Variants in TYW1B observed in about 807,000 individuals in gnomAD.
TYW1B encodes tRNA-yW synthesizing protein 1 homolog B, also known as S-adenosyl-L-methionine-dependent tRNA 4-demethylwyosine synthase TYW1B.
TYW1B carries 73 observed loss-of-function variants against 86.9 expected under a neutral mutation model. The observed-to-expected ratio is 0.84, with a 90% CI of 0.70 to 1.02. The LOEUF is 1.02. Ranked by LOEUF, TYW1B falls within the 50% of genes least tolerant of loss-of-function variation. TYW1B has a pLI of 0.00. For missense variants in TYW1B, 637 were observed against 827.4 expected, an observed-to-expected ratio of 0.77 and a Z score of 2.82; for synonymous variants, 248 against 292.8, an observed-to-expected ratio of 0.85 and a Z score of 1.56.
chr7:72,722,162 T>G (rs1211917221), intron 9 of TYW1B, among the ~76,000 whole-genome samples: 3 of 152,178 alleles, frequency 2.0e-5, no homozygotes, highest in African/African-American at 7.2e-5. Flanking sequence ...TAACAGGTGG[T>G]GTTCTCTTCC....
intron 10 of TYW1B, among the ~76,000 whole-genome samples, chr7:72,712,788 C>G (rs1554455026): frequency 6.6e-6 from 1 of 152,180 alleles, no homozygotes. Flanking sequence ...GAAGCAAGAT[C>G]TTTCCAAGGG....
intron 11 of TYW1B, among the ~76,000 whole-genome samples, chr7:72,660,041 G>A (rs1813293938): frequency 6.6e-6 from 1 of 152,122 alleles, no homozygotes; most frequent in Non-Finnish European, 1.5e-5. Context: ...CACTCTGCCA[G>A]TGTGGCAGGA....
At chr7:72,733,738 GAA>G (rs1358790715) in intron 8 of TYW1B, among the ~76,000 whole-genome samples, 1 of 152,152 alleles carries the variant, frequency 6.6e-6, no homozygotes, top group Non-Finnish European at 1.5e-5. Context: ...CACAAAAATG[GAA>G]AGACATCCCA....
At chr7:72,606,617 C>A (rs1471752939) in intron 13 of TYW1B, among the ~76,000 whole-genome samples, 10 of 151,856 alleles carry the variant, frequency 6.6e-5, no homozygotes, top group African/African-American at 2.4e-4. Flanking sequence ...GCCCCCCCCC[C>A]GCCTCCATCC....
At chr7:72,619,252 A>G (rs56103932) in intron 12 of TYW1B, among the ~76,000 whole-genome samples, 6,166 of 152,254 alleles carry the variant, frequency 0.04, 400 homozygotes, top group African/African-American at 0.14. Context: ...CCCTATGTCA[A>G]TTAGTATTGG....
At chr7:72,749,662 G>C (rs1554464544) in intron 7 of TYW1B, among the ~76,000 whole-genome samples, 1 of 150,396 alleles carries the variant, frequency 6.6e-6, no homozygotes, top group Admixed American at 6.6e-5. Flanking sequence ...TTGTTTTATA[G>C]TGATTTTTTA....
chr7:72,734,973 G>A (rs1197019223), intron 8 of TYW1B, among the ~76,000 whole-genome samples: 5 of 152,142 alleles, frequency 3.3e-5, no homozygotes, highest in Non-Finnish European at 7.4e-5. Flanking sequence ...ACAAGGATGT[G>A]GAGAAAGGGA....
At chr7:72,655,724 G>A (rs1283715911) in intron 11 of TYW1B, among the ~76,000 whole-genome samples, 22 of 152,162 alleles carry the variant, frequency 1.4e-4, no homozygotes, top group Admixed American at 1.3e-4. Context: ...AGCAACCCCT[G>A]GCAGGGCCGC....
chr7:72,699,138 T>C (rs1478703851), intron 10 of TYW1B, among the ~76,000 whole-genome samples: 1 of 152,034 alleles, frequency 6.6e-6, no homozygotes, highest in Non-Finnish European at 1.5e-5. Context: ...GGCAAAATCA[T>C]ACAAAAGACG....
In TYW1B at chr7:72,802,041, A is replaced by AT. The variant is rs11422825; in HGVS notation, c.846+358dup. Among the ~76,000 whole-genome samples the AT allele has an allele frequency of 1.7e-3, 257 of 147,380 alleles. 1 individual carries two copies. Among genetic ancestry groups the AT allele is most frequent in the African/African-American group, 5.7e-3 (229 of 40,218 alleles). On this transcript the variant is annotated intron_variant, in intron 6 of 13. Transcript: ENST00000620995. ...AAAACATTATGAGATGTATTTTGCG[A>AT]TTTTTTTTTTTTTTAGCTCATCAGC...
intron 7 of TYW1B, among the ~76,000 whole-genome samples, chr7:72,773,674 G>A (rs768178866): frequency 1.3e-5 from 2 of 152,178 alleles, no homozygotes; most frequent in Non-Finnish European, 2.9e-5. Flanking sequence ...ACATTCACAA[G>A]AGAAACACTA....
rs1436187705 is a variant in TYW1B, at chr7:72,694,668, A to C, written c.1506+19T>G. On this transcript the variant is annotated intron_variant, in intron 11 of 13. Transcript: ENST00000620995. ...ACCTGAGGGTTGTTTATTTATTTTT[A>C]AGATGTCATAATTCTTACCTTGACT... is the stretch of plus-strand genomic sequence containing the variant. 1.3e-6 allele frequency: 2 copies of C among 1,589,152 alleles called. No homozygotes were observed. Among genetic ancestry groups the C allele is most frequent in the Non-Finnish European group, 1.7e-6 (2 of 1,173,630 alleles).
intron 11 of TYW1B, among the ~76,000 whole-genome samples, chr7:72,643,192 A>G (rs1812843232): frequency 6.6e-6 from 1 of 152,170 alleles, no homozygotes; most frequent in Non-Finnish European, 1.5e-5. Flanking sequence ...AAAGGAAACA[A>G]AAGAACAGAA....
intron 8 of TYW1B, among the ~76,000 whole-genome samples, chr7:72,737,718 TATA>T (rs1448621196): frequency 6.6e-6 from 1 of 152,152 alleles, no homozygotes; most frequent in Admixed American, 6.6e-5. Context: ...GCGCTCACCT[TATA>T]ATATCTCAAA....
chr7:72,713,546 A>T (rs1161352397), intron 10 of TYW1B, 75 bp downstream of exon 10: 3 of 1,387,808 alleles, frequency 2.2e-6, no homozygotes, highest in Non-Finnish European at 2.9e-6. Context: ...ATTTGATTGC[A>T]TTAATGCCTA....
rs1279363450 is a variant in TYW1B at position 72,780,135 on chromosome 7, C to T, written c.847-2602G>A. 5.3e-5 allele frequency among the ~76,000 whole-genome samples: 8 copies of T among 152,212 alleles called. No homozygotes were observed. In the South Asian group the frequency reaches 6.2e-4, roughly 12 times the overall value. On this transcript the variant is annotated intron_variant, in intron 6 of 13. Coordinates refer to ENST00000620995, the MANE Select transcript of TYW1B (RefSeq NM_001145440.3). The stretch of plus-strand genomic sequence containing the variant: ...TAAGATAGTTTAAAATAGAAGGAAT[C>T]CTTTGCCTTTTGTTTTCTGAGATGA...
rs528158513 is a variant in TYW1B at position 72,703,478 on chromosome 7, G to A, written c.1371-8656C>T. On this transcript the variant is annotated intron_variant, in intron 10 of 13. Coordinates refer to ENST00000620995, the MANE Select transcript of TYW1B (RefSeq NM_001145440.3). ...CAGATATCATGCTCTATACAATTTCGACCCTGTTTTGAAATGTCTATAATG... is the reference window on the plus strand; with the variant it reads ...CAGATATCATGCTCTATACAATTTCAACCCTGTTTTGAAATGTCTATAATG... Among the ~76,000 whole-genome samples the A allele has an allele frequency of 4.0e-5, 6 of 151,850 alleles. No individual in the cohort carries two copies. The East Asian group carries it at 7.8e-4, about 20-fold the overall frequency.
chr7:72,701,323 G>A (rs1261607279), intron 10 of TYW1B, among the ~76,000 whole-genome samples: 7 of 151,350 alleles, frequency 4.6e-5, no homozygotes, highest in African/African-American at 9.8e-5. Flanking sequence ...GAGTGCAGTC[G>A]CATGATCATG....
intron 11 of TYW1B, among the ~76,000 whole-genome samples, chr7:72,691,363 G>A (rs1282151963): frequency 2.6e-5 from 4 of 152,194 alleles, no homozygotes; most frequent in Admixed American, 2.6e-4. Context: ...ATTGCCCAAA[G>A]AAACATTCCA....
Sources: allele counts gnomAD v4.1 joint callset (sites outside exome capture counted in the v4.1 genomes callset), GRCh38; gene constraint gnomAD v4.1.1; transcripts MANE v1.5; gene names NCBI Gene and HGNC (gene_info 2026-07-23, HGNC 2026-07-21).